The following ADRB1 variants were observed in gnomAD, a reference collection of about 807,000 sequenced individuals.
ADRB1 encodes the protein beta-1 adrenergic receptor.
For missense variants in ADRB1, 635 were observed against 709.1 expected (o/e 0.90, Z 1.19); for synonymous variants, 365 against 347.2 (o/e 1.05, Z -0.57).
At position 114,044,777 on chromosome 10, in the gene ADRB1, C is replaced by T. The variant is rs1335251769; in HGVS notation, c.645C>T (p.Cys215=). The change falls in exon 1 of 1, where the codon TGC becomes TGT. Residue 215 remains cysteine, a synonymous_variant. Coordinates refer to ENST00000369295, the MANE Select transcript of ADRB1 (RefSeq NM_000684.3). This position sits in a 1 kb window ranked among gnomAD's most constrained non-coding sequence, Gnocchi z 7.8. ...EARRCYNDPK[C]CDFVTNRAYA... ...GCCGCTGCTACAACGACCCCAAGTG[C>T]TGCGACTTCGTCACCAACCGGGCCT... 6.2e-7 allele frequency: 1 copy of T among 1,613,598 alleles called. No individual in the cohort carries two copies. The highest frequency in any genetic ancestry group is 8.5e-7 in the Non-Finnish European group (1 of 1,179,944).
In ADRB1 at chr10:114,044,484, A is replaced by G. The variant is rs772208626; in HGVS notation, c.352A>G (p.Ile118Val). ...GCTGGTGGTGCCGTTCGGGGCCACCATCGTGGTGTGGGGCCGCTGGGAGTA... is the reference window on the plus strand; with the variant it reads ...GCTGGTGGTGCCGTTCGGGGCCACCGTCGTGGTGTGGGGCCGCTGGGAGTA... ...GLLVVPFGAT[I>V]VVWGRWEYGS... Residue 118 changes from isoleucine to valine, a missense_variant, in exon 1 of 1, where the codon ATC becomes GTC. Ile to Val is a conservative substitution (Grantham distance 29, BLOSUM62 3). Coordinates refer to ENST00000369295, the MANE Select transcript of ADRB1 (RefSeq NM_000684.3). The surrounding 1 kb of genome is among the most constrained non-coding windows in gnomAD (Gnocchi z 7.8). The G allele has an allele frequency of 1.1e-5, 18 of 1,613,470 alleles. No individual in the cohort carries two copies. The highest frequency in any genetic ancestry group is 1.4e-5 in the Non-Finnish European group (17 of 1,179,968).
At position 114,045,655 on chromosome 10, in the gene ADRB1, G is replaced by A; in HGVS notation, c.*89G>A. 8.6e-7 allele frequency: 1 copy of A among 1,161,116 alleles called. No homozygotes were observed. The highest frequency in any genetic ancestry group is 4.4e-5 in the South Asian group (1 of 22,830). The allele number at this position is 1,161,116 out of a possible 1,614,324, so 71.9% of individuals were successfully genotyped here. ...CTTAAGACCGATAGCAGGTGAACTC[G>A]AAGCCCACAATCCTCGTCTGAATCA... On this transcript the variant is annotated 3_prime_UTR_variant, in exon 1 of 1. Coordinates refer to ENST00000369295, the MANE Select transcript of ADRB1 (RefSeq NM_000684.3).
rs750349450 is a variant in ADRB1, at chr10:114,045,164, C to T, written c.1032C>T (p.Asn344=). The T allele has an allele frequency of 2.5e-6, 4 of 1,599,220 alleles. No homozygotes were observed. Among genetic ancestry groups the T allele is most frequent in the African/African-American group, 1.3e-5 (1 of 74,308 alleles). The change falls in exon 1 of 1, where the codon AAC becomes AAT. Residue 344 remains asparagine (N), a synonymous_variant. Coordinates refer to ENST00000369295, the MANE Select transcript of ADRB1 (RefSeq NM_000684.3). ...TLCWLPFFLA[N]VVKAFHRELV... ...GCTGGCTGCCCTTCTTCCTGGCCAACGTGGTGAAGGCCTTCCACCGCGAGC... is the reference window on the plus strand; with the variant it reads ...GCTGGCTGCCCTTCTTCCTGGCCAATGTGGTGAAGGCCTTCCACCGCGAGC...
rs1252406100 is a variant in ADRB1 at position 114,045,918 on chromosome 10, G to A, written c.*352G>A. ...GTTTTTGACACTCTCTGAGAGGACC[G>A]GAGTGGAAGATGGGTGGGTTAGGGG... On this transcript the variant is annotated 3_prime_UTR_variant, in exon 1 of 1. Coordinates refer to ENST00000369295, the MANE Select transcript of ADRB1 (RefSeq NM_000684.3). The A allele has an allele frequency of 5.5e-6, 1 of 182,282 alleles. No individual in the cohort carries two copies. Among genetic ancestry groups the A allele is most frequent in the Non-Finnish European group, 1.3e-5 (1 of 79,428 alleles). 11.3% of individuals were successfully genotyped at this position (182,282 alleles called of 1,614,324 possible). A position where few individuals can be genotyped will look rare whatever the true frequency, so the allele number is the denominator to read the frequency against.
chr10:114,045,701 C>A lies in ADRB1; in HGVS notation c.*135C>A. 1.1e-6 allele frequency: 1 copy of A among 920,160 alleles called. No homozygotes were observed. Among genetic ancestry groups the A allele is most frequent in the Non-Finnish European group, 1.4e-6 (1 of 692,486 alleles). The allele number at this position is 920,160 out of a possible 1,614,324, so 57.0% of individuals were successfully genotyped here. On this transcript the variant is annotated 3_prime_UTR_variant, in exon 1 of 1. Transcript: ENST00000369295. ...AATCATCCGAGGCAAAGAGAAAAGC[C>A]ACGGACCGTTGCACAAAAAGGAAAG...
Position 114,044,926 on chromosome 10 carries a change from T to G in ADRB1, c.794T>G (p.Phe265Cys). Residue 265 changes from phenylalanine to cysteine, a missense_variant, in exon 1 of 1, where the codon TTC becomes TGC. Transcript: ENST00000369295. The surrounding 1 kb of genome is among the most constrained non-coding windows in gnomAD (Gnocchi z 7.8). ...VKKIDSCERR[F>C]LGGPARPPSP... ...AAGATCGACAGCTGCGAGCGCCGTTTCCTCGGCGGCCCAGCGCGGCCGCCC... is the reference window on the plus strand; with the variant it reads ...AAGATCGACAGCTGCGAGCGCCGTTGCCTCGGCGGCCCAGCGCGGCCGCCC... The G allele has an allele frequency of 6.4e-7, 1 of 1,572,534 alleles. No individual in the cohort carries two copies. The highest frequency in any genetic ancestry group is 8.6e-7 in the Non-Finnish European group (1 of 1,158,244).
At position 114,044,914 on chromosome 10, in the gene ADRB1, G is replaced by A. The variant is rs770536724; in HGVS notation, c.782G>A (p.Cys261Tyr). ...AAGCAGGTGAAGAAGATCGACAGCTGCGAGCGCCGTTTCCTCGGCGGCCCA... is the reference window on the plus strand; with the variant it reads ...AAGCAGGTGAAGAAGATCGACAGCTACGAGCGCCGTTTCCTCGGCGGCCCA... The part of the protein sequence containing the change: ...AQKQVKKIDS[C>Y]ERRFLGGPAR... Residue 261 changes from cysteine (C) to tyrosine (Y), a missense_variant, in exon 1 of 1, where the codon TGC (cysteine) becomes TAC (tyrosine). Transcript: ENST00000369295. The surrounding 1 kb of genome is among the most constrained non-coding windows in gnomAD (Gnocchi z 7.8). The A allele has an allele frequency of 1.0e-5, 16 of 1,587,640 alleles. No homozygotes were observed. The South Asian group carries it at 1.7e-4, about 17-fold the overall frequency.
In ADRB1 at chr10:114,045,722, G is replaced by A; in HGVS notation, c.*156G>A. The A allele has an allele frequency of 1.4e-6, 1 of 692,158 alleles. No homozygotes were observed. Among genetic ancestry groups the A allele is most frequent in the Non-Finnish European group, 2.0e-6 (1 of 488,200 alleles). The allele number at this position is 692,158 out of a possible 1,614,324, so 42.9% of individuals were successfully genotyped here. A position where few individuals can be genotyped will look rare whatever the true frequency, so the allele number is the denominator to read the frequency against. ...AAGCCACGGACCGTTGCACAAAAAG[G>A]AAAGTTTGGGAAGGGATGGGAGAGT... On this transcript the variant is annotated 3_prime_UTR_variant, in exon 1 of 1. Coordinates refer to ENST00000369295, the MANE Select transcript of ADRB1 (RefSeq NM_000684.3).
chr10:114,044,053 C>G lies in ADRB1; in HGVS notation c.-80C>G, dbSNP rs1847523533. 8.7e-7 allele frequency: 1 copy of G among 1,152,396 alleles called. No individual in the cohort carries two copies. Among genetic ancestry groups the G allele is most frequent in the African/African-American group, 1.6e-5 (1 of 61,670 alleles). 71.4% of individuals were successfully genotyped at this position (1,152,396 alleles called of 1,614,324 possible). On this transcript the variant is annotated 5_prime_UTR_variant, in exon 1 of 1. Coordinates refer to ENST00000369295, the MANE Select transcript of ADRB1 (RefSeq NM_000684.3). The surrounding 1 kb of genome is among the most constrained non-coding windows in gnomAD (Gnocchi z 7.8). ...GGCCGCGACCTCCCTCTGCGCACCA[C>G]GCCGCCCGGGCTTCTGGGGTGTTCC...
Position 114,045,716 on chromosome 10 carries a change from A to C in ADRB1, c.*150A>C, listed in dbSNP as rs1209793337. The C allele has an allele frequency of 1.2e-6, 1 of 800,154 alleles. No homozygotes were observed. Among genetic ancestry groups the C allele is most frequent in the African/African-American group, 1.8e-5 (1 of 55,464 alleles). 49.6% of individuals were successfully genotyped at this position (800,154 alleles called of 1,614,324 possible). A position where few individuals can be genotyped will look rare whatever the true frequency, so the allele number is the denominator to read the frequency against. ...AGAGAAAAGCCACGGACCGTTGCAC[A>C]AAAAGGAAAGTTTGGGAAGGGATGG... On this transcript the variant is annotated 3_prime_UTR_variant, in exon 1 of 1. Coordinates refer to ENST00000369295, the MANE Select transcript of ADRB1 (RefSeq NM_000684.3).
chr10:114,044,979 C>G lies in ADRB1; in HGVS notation c.847C>G (p.Pro283Ala). 9.0e-7 allele frequency: 1 copy of G among 1,115,628 alleles called. No individual in the cohort carries two copies. The highest frequency in any genetic ancestry group is 4.8e-5 in the East Asian group (1 of 20,860). The allele number at this position is 1,115,628 out of a possible 1,614,324, so 69.1% of individuals were successfully genotyped here. A position where few individuals can be genotyped will look rare whatever the true frequency, so the allele number is the denominator to read the frequency against. The change falls in exon 1 of 1, where the codon CCC (proline) becomes GCC (alanine). Residue 283 changes from proline to alanine, a missense_variant. Physicochemically the swap from Pro to Ala is conservative, Grantham distance 27. Coordinates refer to ENST00000369295, the MANE Select transcript of ADRB1 (RefSeq NM_000684.3). The surrounding 1 kb of genome is among the most constrained non-coding windows in gnomAD (Gnocchi z 7.8). ...GCCCTCGCCCTCGCCCGTCCCCGCG[C>G]CCGCGCCGCCGCCCGGACCCCCGCG... ...PSPSPSPVPA[P>A]APPPGPPRPA...
In ADRB1 at chr10:114,045,329, C is replaced by G. The variant is rs758107479; in HGVS notation, c.1197C>G (p.Arg399=). 6 of 1,525,010 alleles carry G rather than the reference C, an allele frequency of 3.9e-6. No homozygotes were observed. The Admixed American group carries it at 1.1e-4, about 29-fold the overall frequency. The allele number at this position is 1,525,010 out of a possible 1,614,324, so 94.5% of individuals were successfully genotyped here. ...TCTGCTGCGCGCGCAGGGCTGCCCGCCGGCGCCACGCGACCCACGGAGACC... is the reference window on the plus strand; with the variant it reads ...TCTGCTGCGCGCGCAGGGCTGCCCGGCGGCGCCACGCGACCCACGGAGACC... ...GLLCCARRAA[R]RRHATHGDRP... Residue 399 remains arginine, a synonymous_variant, in exon 1 of 1, where the codon CGC becomes CGG. Coordinates refer to ENST00000369295, the MANE Select transcript of ADRB1 (RefSeq NM_000684.3).
At position 114,045,432 on chromosome 10, in the gene ADRB1, G is replaced by C. The variant is rs1847548977; in HGVS notation, c.1300G>C (p.Asp434His). 1.6e-6 allele frequency: 2 copies of C among 1,243,654 alleles called. No homozygotes were observed. Among genetic ancestry groups the C allele is most frequent in the Non-Finnish European group, 2.0e-6 (2 of 992,808 alleles). 77.0% of individuals were successfully genotyped at this position (1,243,654 alleles called of 1,614,324 possible). A position where few individuals can be genotyped will look rare whatever the true frequency, so the allele number is the denominator to read the frequency against. ...PGAASDDDDDDVVGATPPARL... is the reference protein window; with the variant it reads ...PGAASDDDDDHVVGATPPARL... ...GGCCGCCTCGGACGACGACGACGAC[G>C]ATGTCGTCGGGGCCACGCCGCCCGC... The change falls in exon 1 of 1, where the codon GAT becomes CAT. Residue 434 changes from aspartate to histidine, a missense_variant. Asp to His is a moderately conservative substitution (Grantham distance 81, BLOSUM62 -1). Transcript: ENST00000369295.
rs1847531424 is a variant in ADRB1, at chr10:114,044,500, G to T, written c.368G>T (p.Arg123Leu). Residue 123 changes from arginine to leucine, a missense_variant, in exon 1 of 1, where the codon CGC becomes CTC. By Grantham distance (102) the Arg-to-Leu change is moderately radical (BLOSUM62 -2). Coordinates refer to ENST00000369295, the MANE Select transcript of ADRB1 (RefSeq NM_000684.3). This position sits in a 1 kb window ranked among gnomAD's most constrained non-coding sequence, Gnocchi z 7.8. ...GGGGCCACCATCGTGGTGTGGGGCC[G>T]CTGGGAGTACGGCTCCTTCTTCTGC... ...PFGATIVVWG[R>L]WEYGSFFCEL... 1.9e-6 allele frequency: 3 copies of T among 1,613,502 alleles called. No homozygotes were observed. Among genetic ancestry groups the T allele is most frequent in the Non-Finnish European group, 2.5e-6 (3 of 1,179,980 alleles).
Position 114,045,618 on chromosome 10 carries a change from G to A in ADRB1, c.*52G>A. The A allele has an allele frequency of 1.6e-6, 2 of 1,254,154 alleles. No homozygotes were observed. The highest frequency in any genetic ancestry group is 2.0e-6 in the Non-Finnish European group (2 of 990,214). 77.7% of individuals were successfully genotyped at this position (1,254,154 alleles called of 1,614,324 possible). ...GCACGGCTTCCCAGGGGAACGAGGA[G>A]ATCTGTGTTTACTTAAGACCGATAG... On this transcript the variant is annotated 3_prime_UTR_variant, in exon 1 of 1. Transcript: ENST00000369295.
In ADRB1 at chr10:114,046,749, T is replaced by A. The variant is rs980231008; in HGVS notation, c.*1183T>A. On this transcript the variant is annotated 3_prime_UTR_variant, in exon 1 of 1. Coordinates refer to ENST00000369295, the MANE Select transcript of ADRB1 (RefSeq NM_000684.3). ...ATCTTAAGGATTTTTTATTTTTTTT[T>A]ATGTCCAAGTGCCCACGTGAATTTG... 3.6e-5 allele frequency: 6 copies of A among 167,118 alleles called. No individual in the cohort carries two copies. In the South Asian group the frequency reaches 6.2e-4, roughly 17 times the overall value. The allele number at this position is 167,118 out of a possible 1,614,324, so 10.4% of individuals were successfully genotyped here. A position where few individuals can be genotyped will look rare whatever the true frequency, so the allele number is the denominator to read the frequency against.
rs1847570274 is a variant in ADRB1, at chr10:114,046,635, T to A, written c.*1069T>A. The A allele has an allele frequency of 1.2e-5, 2 of 167,126 alleles. No homozygotes were observed. The highest frequency in any genetic ancestry group is 1.3e-4 in the Admixed American group (2 of 15,294). The allele number at this position is 167,126 out of a possible 1,614,324, so 10.4% of individuals were successfully genotyped here. On this transcript the variant is annotated 3_prime_UTR_variant, in exon 1 of 1. Transcript: ENST00000369295. ...CAAACTCTACTTCTGTTGTCTAGTA[T>A]GTTATTGAGCTAATGATTCATTGGG...
chr10:114,045,224 G>A lies in ADRB1; in HGVS notation c.1092G>A (p.Trp364Ter). The change falls in exon 1 of 1, where the codon TGG becomes TGA. Residue 364 changes from tryptophan to a stop codon, truncating the protein, a stop_gained. Transcript: ENST00000369295. LOFTEE classifies it low-confidence loss of function (END_TRUNC). Reference protein sequence around the residue: ...VPDRLFVFFNWLGYANSAFNP... With the variant: ...VPDRLFVFFN ...ACCGCCTCTTCGTCTTCTTCAACTG[G>A]CTGGGCTACGCCAACTCGGCCTTCA... 2.5e-6 allele frequency: 4 copies of A among 1,597,896 alleles called. No homozygotes were observed. Among genetic ancestry groups the A allele is most frequent in the Non-Finnish European group, 3.4e-6 (4 of 1,171,858 alleles).
At position 114,044,085 on chromosome 10, in the gene ADRB1, A is replaced by G; in HGVS notation, c.-48A>G. 8.2e-7 allele frequency: 1 copy of G among 1,223,174 alleles called. No individual in the cohort carries two copies. The highest frequency in any genetic ancestry group is 3.6e-5 in the South Asian group (1 of 27,462). 75.8% of individuals were successfully genotyped at this position (1,223,174 alleles called of 1,614,324 possible). ...CGGGCTTCTGGGGTGTTCCCCAACC[A>G]CGGCCCAGCCCTGCCACACCCCCCG... On this transcript the variant is annotated 5_prime_UTR_variant, in exon 1 of 1. Transcript: ENST00000369295. This position sits in a 1 kb window ranked among gnomAD's most constrained non-coding sequence, Gnocchi z 7.8.
Sources: allele counts gnomAD v4.1 joint callset, GRCh38; gene constraint gnomAD v4.1.1; non-coding constraint Gnocchi (gnomAD v3.1); transcripts MANE v1.5; gene names NCBI Gene and HGNC (gene_info 2026-07-23, HGNC 2026-07-21).